The following SPAG16 variants were observed in gnomAD, a reference collection of about 807,000 sequenced individuals.
SPAG16 encodes sperm associated antigen 16.
Under a neutral mutation model 80.4 loss-of-function variants are expected in SPAG16, and 86 were observed. The ratio of observed to expected loss-of-function variants is 1.07; its 90% CI spans 0.90 to 1.28. SPAG16 has a LOEUF of 1.28. Among genes scored for constraint, SPAG16 ranks in the 50% most tolerant of loss-of-function variants. The pLI is 0.00. For synonymous variants in SPAG16, 294 were observed against 265.9 expected, an observed-to-expected ratio of 1.11 and a Z score of -1.03; for missense variants, 870 against 765.3, an observed-to-expected ratio of 1.14 and a Z score of -1.61.
At chr2:214,366,635 A>G (rs1042660085) in intron 15 of SPAG16, among the ~76,000 whole-genome samples, 1 of 152,170 alleles carries the variant, frequency 6.6e-6, no homozygotes, top group Admixed American at 6.5e-5. Context: ...TATATCATTT[A>G]TGCATTGAAT....
chr2:213,950,619 TTCCTTCCTTCCTTGCTTCCTCCCTCTC>T (rs1486831652), intron 12 of SPAG16, among the ~76,000 whole-genome samples: 2 of 151,938 alleles, frequency 1.3e-5, no homozygotes, highest in Non-Finnish European at 2.9e-5. Flanking sequence ...GTTTGCTTGC[TTCCTTCCTTCCTTGCTTCCTCCCTCTC>T]TCCTTCCCTC....
chr2:213,902,642 A>T (rs1299927154), intron 11 of SPAG16, among the ~76,000 whole-genome samples: 1 of 152,134 alleles, frequency 6.6e-6, no homozygotes, highest in Non-Finnish European at 1.5e-5. Context: ...ACACAGCCAA[A>T]CCATATCACT....
chr2:214,104,847 C>T (rs748973474), intron 13 of SPAG16, among the ~76,000 whole-genome samples: 4 of 151,950 alleles, frequency 2.6e-5, no homozygotes, highest in Non-Finnish European at 5.9e-5. Flanking sequence ...AGCACAGCAG[C>T]CAGGGACTCG....
chr2:214,195,190 A>C (rs2057789799), intron 15 of SPAG16, among the ~76,000 whole-genome samples: 1 of 151,934 alleles, frequency 6.6e-6, no homozygotes, highest in Non-Finnish European at 1.5e-5. Flanking sequence ...TGTGTATAAA[A>C]GCCCTAAGGG....
intron 12 of SPAG16, among the ~76,000 whole-genome samples, chr2:213,932,183 TATATATATATATA>T (rs1559602585): frequency 4.3e-4 from 11 of 25,614 alleles, no homozygotes; most frequent in African/African-American, 7.4e-4. Flanking sequence ...TATATATATA[TATATATATATATA>T]TATTTGTTGT....
At chr2:213,726,076 A>C (rs1574952663) in intron 10 of SPAG16, among the ~76,000 whole-genome samples, 1 of 152,194 alleles carries the variant, frequency 6.6e-6, no homozygotes, top group African/African-American at 2.4e-5. Context: ...CTAATACCCA[A>C]CTGCCAATAT....
intron 11 of SPAG16, among the ~76,000 whole-genome samples, chr2:213,886,244 A>G (rs1316794582): frequency 2.0e-5 from 3 of 152,142 alleles, no homozygotes; most frequent in Non-Finnish European, 4.4e-5. Context: ...GGAGAAAATT[A>G]GAGTAATATT....
chr2:214,048,959 A>G (rs1039842897), intron 13 of SPAG16, among the ~76,000 whole-genome samples: 1 of 151,714 alleles, frequency 6.6e-6, no homozygotes, highest in Non-Finnish European at 1.5e-5. Context: ...CTCCTTCCCA[A>G]CAGGGTCTCT....
intron 11 of SPAG16, among the ~76,000 whole-genome samples, chr2:213,865,846 ATATAT>A (rs1283393106): frequency 6.7e-6 from 1 of 148,176 alleles, no homozygotes; most frequent in East Asian, 1.9e-4. Flanking sequence ...ACTGCTGAAA[ATATAT>A]TAATAAGTAA....
chr2:213,471,374 C>T (rs760501094), intron 9 of SPAG16, among the ~76,000 whole-genome samples: 41 of 152,192 alleles, frequency 2.7e-4, no homozygotes, highest in Admixed American at 1.4e-3. Context: ...TGCTGCTGTG[C>T]GTGCCCCACT....
intron 12 of SPAG16, among the ~76,000 whole-genome samples, chr2:214,005,445 A>G (rs2046985924): frequency 6.6e-6 from 1 of 152,176 alleles, no homozygotes; most frequent in South Asian, 2.1e-4. Context: ...TCAATTTATT[A>G]GTATATTTTT....
intron 9 of SPAG16, among the ~76,000 whole-genome samples, chr2:213,425,715 C>T (rs1014040950): frequency 1.3e-5 from 2 of 150,012 alleles, no homozygotes; most frequent in Non-Finnish European, 3.0e-5. Context: ...TCCATTTCTA[C>T]TATACTATCA....
intron 9 of SPAG16, among the ~76,000 whole-genome samples, chr2:213,483,574 A>G (rs1460194867): frequency 6.6e-6 from 1 of 152,226 alleles, no homozygotes; most frequent in Admixed American, 6.5e-5. Context: ...AGAATCACCT[A>G]GAAAGCTCAC....
At chr2:213,806,707 G>C (rs1377557844) in intron 10 of SPAG16, among the ~76,000 whole-genome samples, 1 of 151,972 alleles carries the variant, frequency 6.6e-6, no homozygotes, top group African/African-American at 2.4e-5. Context: ...ACAAACCAAA[G>C]ACTAAAGATA....
intron 9 of SPAG16, among the ~76,000 whole-genome samples, chr2:213,401,942 CTT>C (rs1024277321): frequency 2.6e-5 from 4 of 152,086 alleles, no homozygotes; most frequent in African/African-American, 9.6e-5. Context: ...AATAGAAAAA[CTT>C]CAAACGTTTT....
chr2:213,651,197 T>C (rs1419739726), intron 10 of SPAG16, among the ~76,000 whole-genome samples: 1 of 152,196 alleles, frequency 6.6e-6, no homozygotes, highest in East Asian at 1.9e-4. Context: ...TTTGAGTATA[T>C]ACAATTATGT....
intron 15 of SPAG16, among the ~76,000 whole-genome samples, chr2:214,343,371 C>A (rs1004213524): frequency 6.6e-6 from 1 of 151,922 alleles, no homozygotes; most frequent in Admixed American, 6.6e-5. Flanking sequence ...AATAATAGAT[C>A]TTTCTATATT....
intron 15 of SPAG16, among the ~76,000 whole-genome samples, chr2:214,338,812 T>C (rs1016499340): frequency 2.6e-5 from 4 of 152,240 alleles, no homozygotes; most frequent in African/African-American, 7.2e-5. Flanking sequence ...AGTGCCTCTG[T>C]CCCAATGTAT....
chr2:214,251,966 C>T (rs753933466), intron 15 of SPAG16, among the ~76,000 whole-genome samples: 10 of 152,020 alleles, frequency 6.6e-5, no homozygotes, highest in Non-Finnish European at 1.3e-4. Context: ...GACTAATAAT[C>T]TTAAATGAAT....
Sources: allele counts gnomAD v4.1 joint callset (sites outside exome capture counted in the v4.1 genomes callset), GRCh38; gene constraint gnomAD v4.1.1; transcripts MANE v1.5; gene names NCBI Gene and HGNC (gene_info 2026-07-23, HGNC 2026-07-21).